Variants in AGBL1 observed in about 807,000 individuals in gnomAD.
AGBL1 encodes cytosolic carboxypeptidase 4.
A neutral mutation model predicts 118.9 loss-of-function variants in AGBL1; 130 were observed. The observed-to-expected ratio is 1.09, with a 90% CI of 0.95 to 1.26. The LOEUF (loss-of-function observed/expected upper bound fraction) is 1.26, where lower values mean the gene tolerates loss of function less well. Among genes scored for constraint, AGBL1 ranks in the 50% most tolerant of loss-of-function variants. The probability of loss-of-function intolerance (pLI) is 0.00; values close to 1 mark genes in which losing one functional copy is unlikely to be tolerated. For synonymous variants in AGBL1, 555 were observed against 478.9 expected, an observed-to-expected ratio of 1.16 and a Z score of -2.08; for missense variants, 1,584 against 1,298.1, an observed-to-expected ratio of 1.22 and a Z score of -3.38.
chr15:86,780,692 C>CG (rs2078324074), intron 22 of AGBL1, among the ~76,000 whole-genome samples: 1 of 148,616 alleles, frequency 6.7e-6, no homozygotes, highest in Admixed American at 6.8e-5. Flanking sequence ...GACAGAGTCT[C>CG]GCTCTGTCGC....
At chr15:86,308,345 G>A (rs2079871204) in intron 17 of AGBL1, among the ~76,000 whole-genome samples, 1 of 150,216 alleles carries the variant, frequency 6.7e-6, no homozygotes, top group Admixed American at 6.6e-5. Flanking sequence ...TATAAGAAGA[G>A]ACACAAGAGA....
At position 86,845,455 on chromosome 15, in the gene AGBL1, T is replaced by G. The variant is rs554189545; in HGVS notation, c.3159-61632T>G. ...TTGCATTCTTAGGATAAATCTCACT[T>G]AGTCATGATGTACAATCCTTTTTTT... On this transcript the variant is annotated intron_variant, in intron 22 of 22. Transcript: ENST00000614907. 2.0e-5 allele frequency among the ~76,000 whole-genome samples: 3 copies of G among 152,332 alleles called. No individual in the cohort carries two copies. In the South Asian group the frequency reaches 6.2e-4, roughly 32 times the overall value.
intron 18 of AGBL1, among the ~76,000 whole-genome samples, chr15:86,497,208 G>A (rs767323698): frequency 1.2e-4 from 18 of 151,770 alleles, no homozygotes; most frequent in Non-Finnish European, 2.2e-4. Flanking sequence ...TTTGCATCTC[G>A]CTTCCCTTCT....
intron 4 of AGBL1, among the ~76,000 whole-genome samples, chr15:86,155,145 A>C (rs144289203): frequency 3.9e-5 from 6 of 152,180 alleles, no homozygotes; most frequent in Non-Finnish European, 8.8e-5. Flanking sequence ...TAGACCCATA[A>C]TTTTATAGTT....
chr15:86,778,400 A>G (rs1334864675), intron 22 of AGBL1, among the ~76,000 whole-genome samples: 1 of 152,172 alleles, frequency 6.6e-6, no homozygotes, highest in Non-Finnish European at 1.5e-5. Flanking sequence ...CCTTGTCCTA[A>G]TAAGACTGGG....
At chr15:86,386,868 A>G (rs547799670) in intron 17 of AGBL1, among the ~76,000 whole-genome samples, 16 of 152,328 alleles carry the variant, frequency 1.1e-4, no homozygotes, top group Non-Finnish European at 1.5e-4. Flanking sequence ...ACAAGACCTC[A>G]ATAAATAAAT....
chr15:86,770,010 C>T (rs2141286689), intron 22 of AGBL1, among the ~76,000 whole-genome samples: 1 of 152,074 alleles, frequency 6.6e-6, no homozygotes, highest in South Asian at 2.1e-4. Flanking sequence ...TTACTTTAAT[C>T]CTTTAATACT....
At chr15:86,844,568 C>T (rs2079292438) in intron 22 of AGBL1, among the ~76,000 whole-genome samples, 1 of 152,186 alleles carries the variant, frequency 6.6e-6, no homozygotes, top group Non-Finnish European at 1.5e-5. Flanking sequence ...TTTTGTCTAC[C>T]TATTAATGAG....
At chr15:86,282,177 C>A (rs1442287223) in intron 16 of AGBL1, among the ~76,000 whole-genome samples, 1 of 152,068 alleles carries the variant, frequency 6.6e-6, no homozygotes, top group African/African-American at 2.4e-5. Context: ...ACTCTAAGAA[C>A]CACTGGGTGG....
At chr15:86,105,309 TAAGTA>T (rs1164801752) in intron 1 of AGBL1, 1 of 152,234 alleles carries the variant, frequency 6.6e-6, no homozygotes, top group Non-Finnish European at 1.5e-5. Context: ...TCACCTAAGC[TAAGTA>T]ACCAGAGGAT....
chr15:86,463,483 C>G (rs538973130), intron 18 of AGBL1, among the ~76,000 whole-genome samples: 2 of 152,242 alleles, frequency 1.3e-5, no homozygotes, highest in South Asian at 4.2e-4. Flanking sequence ...GTTGCCATTA[C>G]TTTTGGTGTT....
chr15:86,844,921 A>G (rs1475090459), intron 22 of AGBL1, among the ~76,000 whole-genome samples: 1 of 152,104 alleles, frequency 6.6e-6, no homozygotes, highest in East Asian at 1.9e-4. Context: ...TTACATGTGG[A>G]TATCTAATGG....
chr15:86,566,275 A>T lies in AGBL1; in HGVS notation c.2994+11738A>T, dbSNP rs116921894. Among the ~76,000 whole-genome samples, 350 of 151,984 alleles carry T rather than the reference A, an allele frequency of 2.3e-3. 7 individuals carry two copies. The East Asian group carries it at 0.045, about 20-fold the overall frequency. On this transcript the variant is annotated intron_variant, in intron 21 of 22. Transcript: ENST00000614907. ...CCTGTTTGGCCATCTTGGAACCCTA[A>T]TTTTTCTTGAGTATGCACATTTTTC...
chr15:86,268,449 G>A (rs1391504628), intron 13 of AGBL1, among the ~76,000 whole-genome samples: 3 of 152,178 alleles, frequency 2.0e-5, no homozygotes, highest in South Asian at 2.1e-4. Context: ...GTCTCCTGGT[G>A]GAACAGTTAT....
intron 21 of AGBL1, among the ~76,000 whole-genome samples, chr15:86,558,531 G>T (rs756182430): frequency 1.3e-5 from 2 of 152,148 alleles, no homozygotes; most frequent in Non-Finnish European, 2.9e-5. Flanking sequence ...GTTACAGCAA[G>T]CACTCCCCAG....
At chr15:86,188,227 C>T (rs1176099945) in intron 5 of AGBL1, among the ~76,000 whole-genome samples, 1 of 152,114 alleles carries the variant, frequency 6.6e-6, no homozygotes, top group African/African-American at 2.4e-5. Context: ...AGTAACTGAT[C>T]TGTTGGCCCC....
intron 22 of AGBL1, among the ~76,000 whole-genome samples, chr15:86,906,328 T>C (rs1051104984): frequency 6.6e-6 from 1 of 152,256 alleles, no homozygotes; most frequent in Non-Finnish European, 1.5e-5. Flanking sequence ...TTTTTGTTAA[T>C]GTTCGTTCCT....
At chr15:87,030,277 G>A (rs538504448), downstream of AGBL1, among the ~76,000 whole-genome samples, 1 of 152,020 alleles carries the variant, frequency 6.6e-6, no homozygotes, top group East Asian at 1.9e-4. Flanking sequence ...AAATAATAAA[G>A]AGCAGCTGAT....
intron 5 of AGBL1, among the ~76,000 whole-genome samples, chr15:86,205,272 A>G (rs999864652): frequency 1.3e-5 from 2 of 152,166 alleles, no homozygotes; most frequent in Admixed American, 6.6e-5. Flanking sequence ...GTGTCTTTTC[A>G]TGGCTTGATA....
Sources: allele counts gnomAD v4.1 joint callset (sites outside exome capture counted in the v4.1 genomes callset), GRCh38; gene constraint gnomAD v4.1.1; transcripts MANE v1.5; gene names NCBI Gene and HGNC (gene_info 2026-07-23, HGNC 2026-07-21).